The following CLMP variants were observed in gnomAD, a reference collection of about 807,000 sequenced individuals.
CLMP encodes the protein CXADR like cell adhesion molecule.
CLMP carries 27 observed loss-of-function variants against 45.2 expected under a neutral mutation model. That is an observed-to-expected ratio of 0.60 (90% CI 0.44 to 0.82). CLMP has a LOEUF of 0.82. Ranked by LOEUF, CLMP falls within the 40% of genes least tolerant of loss-of-function variation. The probability of loss-of-function intolerance (pLI) is 0.00; values close to 1 mark genes in which losing one functional copy is unlikely to be tolerated. For synonymous variants in CLMP, 167 were observed against 171.4 expected, an observed-to-expected ratio of 0.97 and a Z score of 0.20; for missense variants, 403 against 448.4, an observed-to-expected ratio of 0.90 and a Z score of 0.91.
chr11:123,156,133 A>G (rs1861411177), intron 1 of CLMP, among the ~76,000 whole-genome samples: 1 of 152,128 alleles, frequency 6.6e-6, no homozygotes, highest in African/African-American at 2.4e-5. Flanking sequence ...ATGAGAAGAA[A>G]CACCAGAGAG....
intron 1 of CLMP, among the ~76,000 whole-genome samples, chr11:123,111,192 T>G (rs1860633079): frequency 2.0e-5 from 3 of 151,986 alleles, no homozygotes; most frequent in Admixed American, 2.0e-4. Context: ...TCAGCTGGAG[T>G]GCAGTGGCAC....
intron 1 of CLMP, among the ~76,000 whole-genome samples, chr11:123,192,297 G>C (rs1397752328): frequency 6.6e-6 from 1 of 152,114 alleles, no homozygotes; most frequent in South Asian, 2.1e-4. Context: ...AAAGGTTTTT[G>C]GAAGAAGGGA....
chr11:123,134,584 G>A (rs966584474), intron 1 of CLMP, among the ~76,000 whole-genome samples: 10 of 151,626 alleles, frequency 6.6e-5, no homozygotes, highest in Non-Finnish European at 8.8e-5. Context: ...AGGCGGGGGT[G>A]GGGGATCACG....
At chr11:123,189,057 C>T (rs7935259) in intron 1 of CLMP, 4,495 of 152,212 alleles carry the variant, frequency 0.03, 76 homozygotes, top group African/African-American at 0.048. Context: ...GGTCTTCTGA[C>T]GTATTAGAAG....
intron 1 of CLMP, among the ~76,000 whole-genome samples, chr11:123,139,673 G>A (rs901968538): frequency 6.6e-6 from 1 of 152,050 alleles, no homozygotes; most frequent in African/African-American, 2.4e-5. Flanking sequence ...AAAATTAGCT[G>A]GGCATGGTGG....
At chr11:123,081,274 G>A (rs1037686220) in intron 5 of CLMP, among the ~76,000 whole-genome samples, 2 of 152,152 alleles carry the variant, frequency 1.3e-5, no homozygotes, top group African/African-American at 4.8e-5. Flanking sequence ...AGATGTTATG[G>A]AGACAATGTA....
chr11:123,193,698 C>T (rs1861939770), intron 1 of CLMP, among the ~76,000 whole-genome samples: 1 of 152,112 alleles, frequency 6.6e-6, no homozygotes, highest in South Asian at 2.1e-4. Context: ...ACTCTAACCA[C>T]GTATTTCAGG....
chr11:123,092,321 G>A (rs777474519), intron 2 of CLMP, among the ~76,000 whole-genome samples: 1 of 149,284 alleles, frequency 6.7e-6, no homozygotes. Context: ...TTTTTGAGAC[G>A]GAGCCTAGCT....
chr11:123,101,361 C>T lies in CLMP; in HGVS notation c.29-3409G>A, dbSNP rs543316624. On this transcript the variant is annotated intron_variant, in intron 1 of 6. Transcript: ENST00000448775. ...ACCTCAGGTGATCCGCCTGCCTCGG[C>T]CTCCCAAAGTGCTGGGATTACAGGC... is the stretch of plus-strand genomic sequence containing the variant. Among the ~76,000 whole-genome samples, 694 of 152,348 alleles carry T rather than the reference C, an allele frequency of 4.6e-3. 4 individuals are homozygous for T. The highest frequency in any genetic ancestry group is 8.0e-3 in the Non-Finnish European group (547 of 68,036).
At chr11:123,177,366 A>G (rs1360738501) in intron 1 of CLMP, among the ~76,000 whole-genome samples, 1 of 152,152 alleles carries the variant, frequency 6.6e-6, no homozygotes, top group Non-Finnish European at 1.5e-5. Context: ...TCTCCTGAGC[A>G]TCTTCTTGGA....
At chr11:123,102,336 A>C (rs1449209277) in intron 1 of CLMP, among the ~76,000 whole-genome samples, 1 of 133,552 alleles carries the variant, frequency 7.5e-6, no homozygotes, top group Non-Finnish European at 1.5e-5. Flanking sequence ...GCTGGAGTGC[A>C]GTGGCACAAT....
chr11:123,083,075 G>A lies in CLMP; in HGVS notation c.679+10C>T. 6.2e-7 allele frequency: 1 copy of A among 1,612,768 alleles called. No homozygotes were observed. The highest frequency in any genetic ancestry group is 1.1e-5 in the South Asian group (1 of 90,740). ...AGAAAAATGAAACTAAAACCTCTTTGGATGCTTACACTGTACAGTTACTCG... is the reference window on the plus strand; with the variant it reads ...AGAAAAATGAAACTAAAACCTCTTTAGATGCTTACACTGTACAGTTACTCG... On this transcript the variant is annotated intron_variant, in intron 5 of 6. Transcript: ENST00000448775.
At chr11:123,163,422 A>G (rs1166379697) in intron 1 of CLMP, among the ~76,000 whole-genome samples, 1 of 152,236 alleles carries the variant, frequency 6.6e-6, no homozygotes, top group East Asian at 1.9e-4. Context: ...TCTAGACTCC[A>G]GAGGAGAAGT....
chr11:123,124,373 G>A (rs1399135095), intron 1 of CLMP, among the ~76,000 whole-genome samples: 3 of 152,136 alleles, frequency 2.0e-5, no homozygotes, highest in Non-Finnish European at 4.4e-5. Flanking sequence ...GAGGCAAGCA[G>A]AGATCTATTT....
At chr11:123,152,555 TAAATAAATAAAA>T (rs1861352533) in intron 1 of CLMP, among the ~76,000 whole-genome samples, 2 of 145,502 alleles carry the variant, frequency 1.4e-5, no homozygotes, top group South Asian at 2.1e-4. Context: ...AATAAATAAA[TAAATAAATAAAA>T]AATAAATAAA....
intron 1 of CLMP, among the ~76,000 whole-genome samples, chr11:123,114,324 A>T (rs1443224570): frequency 6.6e-6 from 1 of 152,234 alleles, no homozygotes; most frequent in Non-Finnish European, 1.5e-5. Context: ...CGAAGAGAGA[A>T]GATGACTGGT....
chr11:123,078,606 C>T (rs1565375989), intron 5 of CLMP, among the ~76,000 whole-genome samples: 1 of 151,576 alleles, frequency 6.6e-6, no homozygotes, highest in South Asian at 2.1e-4. Flanking sequence ...ACCACCATGC[C>T]CAGCTAAGTT....
At chr11:123,103,834 T>C (rs918163496) in intron 1 of CLMP, among the ~76,000 whole-genome samples, 30 of 119,196 alleles carry the variant, frequency 2.5e-4, no homozygotes, top group Admixed American at 4.8e-4. Flanking sequence ...TTCTGTCTCT[T>C]TTTTTTTTTT....
chr11:123,119,054 T>A (rs11218994), intron 1 of CLMP, among the ~76,000 whole-genome samples: 1 of 15,812 alleles, frequency 6.3e-5, no homozygotes, highest in Non-Finnish European at 1.1e-4. Flanking sequence ...TCCCTCTCCC[T>A]CTCTCTCTCT....
Sources: gnomAD v4.1 joint callset for allele counts (sites outside exome capture counted in the v4.1 genomes callset) on GRCh38, gnomAD v4.1.1 for gene constraint, MANE v1.5 for transcripts, NCBI Gene and HGNC (gene_info 2026-07-23, HGNC 2026-07-21) for gene names.